CNTN5: variants seen among roughly 807,000 people sequenced by gnomAD.
The protein encoded by CNTN5 is contactin 5, also known as contactin-5.
In CNTN5, 77 loss-of-function variants were observed where a neutral mutation model predicts 129.1. That is an observed-to-expected ratio of 0.60 (90% CI 0.50 to 0.72). The LOEUF is 0.72. Ranked by LOEUF, CNTN5 falls within the 30% of genes least tolerant of loss-of-function variation. CNTN5 has a pLI of 0.00. For missense variants in CNTN5, 1,478 were observed against 1,328.8 expected (o/e 1.11, Z -1.75); for synonymous variants, 509 against 465.6 (o/e 1.09, Z -1.20).
At chr11:99,795,790 TG>T (rs1176536245) in intron 3 of CNTN5, among the ~76,000 whole-genome samples, 2 of 152,166 alleles carry the variant, frequency 1.3e-5, no homozygotes, top group Admixed American at 1.3e-4. Context: ...GGCTGCATGT[TG>T]TAACCCTGAG....
intron 1 of CNTN5, among the ~76,000 whole-genome samples, chr11:99,279,072 C>T (rs757307103): frequency 3.3e-5 from 5 of 151,724 alleles, no homozygotes; most frequent in African/African-American, 9.7e-5. Flanking sequence ...ATATACTTTG[C>T]GAAGTACTCT....
chr11:99,772,023 G>T (rs918647462), intron 3 of CNTN5, among the ~76,000 whole-genome samples: 3 of 150,514 alleles, frequency 2.0e-5, no homozygotes, highest in Non-Finnish European at 4.4e-5. Flanking sequence ...GTCTATAAAA[G>T]AAAGTACAAA....
rs542796031 is a variant in CNTN5, at chr11:100,048,092, C to T, written c.981-13120C>T. Reference sequence around the variant, plus strand: ...CTTGCAGTGAGTCGAGATCGCGCCACTGTACTCCAGCCTGGGTGACAGAGC... The same window carrying T: ...CTTGCAGTGAGTCGAGATCGCGCCATTGTACTCCAGCCTGGGTGACAGAGC... On this transcript the variant is annotated intron_variant, in intron 9 of 24. Coordinates refer to ENST00000524871, the MANE Select transcript of CNTN5 (RefSeq NM_014361.4). Among the ~76,000 whole-genome samples, 21 of 152,220 alleles carry T rather than the reference C, an allele frequency of 1.4e-4. No individual in the cohort carries two copies. In the South Asian group the frequency reaches 4.4e-3, roughly 32 times the overall value.
At chr11:99,153,815 C>CTTTTTTTTTTTT (rs60782977) in intron 1 of CNTN5, among the ~76,000 whole-genome samples, 2 of 103,346 alleles carry the variant, frequency 1.9e-5, no homozygotes, top group Non-Finnish European at 3.6e-5. Flanking sequence ...CTTTGAATGG[C>CTTTTTTTTTTTT]TTTTTTTTTT....
chr11:100,162,583 A>G (rs1419392694), intron 13 of CNTN5, among the ~76,000 whole-genome samples: 2 of 151,770 alleles, frequency 1.3e-5, no homozygotes, highest in Non-Finnish European at 2.9e-5. Context: ...TGCTTAAGCT[A>G]TTGCTTTTCT....
intron 13 of CNTN5, among the ~76,000 whole-genome samples, chr11:100,107,692 A>G (rs1004564509): frequency 6.6e-6 from 1 of 152,078 alleles, no homozygotes; most frequent in Non-Finnish European, 1.5e-5. Flanking sequence ...CTTTTCCTCC[A>G]TATCACCACA....
At chr11:99,364,755 G>A (rs900723515) in intron 2 of CNTN5, among the ~76,000 whole-genome samples, 1 of 152,128 alleles carries the variant, frequency 6.6e-6, no homozygotes, top group African/African-American at 2.4e-5. Context: ...TGCTGGAGGA[G>A]AAATGGAGAA....
chr11:100,171,934 G>A (rs1246427084), intron 13 of CNTN5, among the ~76,000 whole-genome samples: 2 of 151,904 alleles, frequency 1.3e-5, no homozygotes, highest in African/African-American at 4.8e-5. Context: ...TTCAAAGTAT[G>A]GTTCAAAGGA....
chr11:99,761,035 T>C (rs1944562304), intron 3 of CNTN5, among the ~76,000 whole-genome samples: 1 of 152,154 alleles, frequency 6.6e-6, no homozygotes, highest in African/African-American at 2.4e-5. Context: ...GGAACTGTAC[T>C]GGGGGCTGTG....
intron 16 of CNTN5, among the ~76,000 whole-genome samples, chr11:100,230,771 G>T (rs1949470842): frequency 6.6e-6 from 1 of 152,126 alleles, no homozygotes. Context: ...ACATTCTCAG[G>T]TTTCTTGATG....
chr11:99,780,299 TGAA>T (rs1330348053), intron 3 of CNTN5, among the ~76,000 whole-genome samples: 4 of 152,086 alleles, frequency 2.6e-5, no homozygotes, highest in Admixed American at 6.6e-5. Flanking sequence ...TTATCAATGC[TGAA>T]GAAGATCAGG....
chr11:99,464,984 C>T (rs1301393808), intron 2 of CNTN5, among the ~76,000 whole-genome samples: 1 of 152,046 alleles, frequency 6.6e-6, no homozygotes, highest in Admixed American at 6.6e-5. Context: ...TTGGAATAAA[C>T]ACAGGGCCAT....
chr11:99,954,626 T>C (rs1408933667), intron 7 of CNTN5, among the ~76,000 whole-genome samples: 1 of 152,094 alleles, frequency 6.6e-6, no homozygotes, highest in African/African-American at 2.4e-5. Flanking sequence ...AGATTTATAG[T>C]TTTTTTATGA....
At chr11:99,934,762 G>A (rs77807604) in intron 7 of CNTN5, among the ~76,000 whole-genome samples, 10,127 of 151,420 alleles carry the variant, frequency 0.067, 571 homozygotes, top group East Asian at 0.26. Flanking sequence ...GTATGCACCT[G>A]TAGTCAGGAG....
Position 99,789,021 on chromosome 11 carries a change from A to G in CNTN5, c.56-30523A>G, listed in dbSNP as rs187972739. 6.7e-4 allele frequency among the ~76,000 whole-genome samples: 101 copies of G among 151,846 alleles called. 3 individuals are homozygous for G. Among genetic ancestry groups the G allele is most frequent in the Admixed American group, 5.5e-3 (83 of 15,216 alleles). On this transcript the variant is annotated intron_variant, in intron 3 of 24. Coordinates refer to ENST00000524871, the MANE Select transcript of CNTN5 (RefSeq NM_014361.4). ...TAAAATTATATTGTAAAAATCTAAC[A>G]TCTCCCCAAAACCGTGCTCATTAAC...
At chr11:100,146,250 A>G (rs994339596) in intron 13 of CNTN5, among the ~76,000 whole-genome samples, 4 of 152,306 alleles carry the variant, frequency 2.6e-5, no homozygotes, top group Middle Eastern at 3.4e-3. Flanking sequence ...ATTAAATATT[A>G]GAAGAAAAGA....
Position 100,234,792 on chromosome 11 carries a change from T to A in CNTN5, c.2005+9980T>A, listed in dbSNP as rs867463624. Among the ~76,000 whole-genome samples, 632 of 102,082 alleles carry A rather than the reference T, an allele frequency of 6.2e-3. 8 individuals carry two copies. Among genetic ancestry groups the A allele is most frequent in the African/African-American group, 0.021 (600 of 28,068 alleles). 67.0% of individuals were successfully genotyped at this position (102,082 alleles called of 152,430 possible). ...CATTCTGCACATGTATCCCAGAATTTAAAAAAAAAAAAAAAAAAAAAAAAA... is the reference window on the plus strand; with the variant it reads ...CATTCTGCACATGTATCCCAGAATTAAAAAAAAAAAAAAAAAAAAAAAAAA... On this transcript the variant is annotated intron_variant, in intron 16 of 24. Transcript: ENST00000524871.
At chr11:100,119,210 G>A (rs1945936975) in intron 13 of CNTN5, among the ~76,000 whole-genome samples, 3 of 151,944 alleles carry the variant, frequency 2.0e-5, no homozygotes, top group South Asian at 2.1e-4. Flanking sequence ...ATAAACACAC[G>A]ATTGCTGTAT....
At chr11:99,190,401 C>A (rs544269893) in intron 1 of CNTN5, among the ~76,000 whole-genome samples, 8 of 151,594 alleles carry the variant, frequency 5.3e-5, no homozygotes, top group African/African-American at 1.7e-4. Flanking sequence ...TAGTTCTATA[C>A]AAACTGTAAG....
Sources: allele counts gnomAD v4.1 joint callset (sites outside exome capture counted in the v4.1 genomes callset), GRCh38; gene constraint gnomAD v4.1.1; transcripts MANE v1.5; gene names NCBI Gene and HGNC (gene_info 2026-07-23, HGNC 2026-07-21).